The following SUPT6H variants were observed in gnomAD, a reference collection of about 807,000 sequenced individuals.
SUPT6H encodes the protein SPT6 homolog, histone chaperone and transcription elongation factor, also known as transcription elongation factor SPT6.
SUPT6H carries 11 observed loss-of-function variants against 222.3 expected under a neutral mutation model. The ratio of observed to expected loss-of-function variants is 0.05; its 90% confidence interval spans 0.03 to 0.08. The LOEUF (loss-of-function observed/expected upper bound fraction) is 0.08, where lower values mean the gene tolerates loss of function less well. SUPT6H is among the 10% of genes least tolerant of loss of function. SUPT6H has a pLI of 1.00. For synonymous variants in SUPT6H, 762 were observed against 801.2 expected (o/e 0.95, Z 0.83); for missense variants, 1,422 against 2,216.0 (o/e 0.64, Z 7.19).
At chr17:28,692,196 C>T (rs1479557666) in intron 27 of SUPT6H, among the ~76,000 whole-genome samples, 5 of 151,378 alleles carry the variant, frequency 3.3e-5, no homozygotes, top group East Asian at 2.0e-4. Flanking sequence ...TGGTGGTGGG[C>T]GCCTGTAGTC....
rs1241826176 is a variant in SUPT6H at position 28,674,886 on chromosome 17, G to A, written c.346-84G>A. 5.4e-6 allele frequency: 8 copies of A among 1,467,908 alleles called. No individual in the cohort carries two copies. In the Admixed American group the frequency reaches 1.6e-4, roughly 29 times the overall value. 90.9% of individuals were successfully genotyped at this position (1,467,908 alleles called of 1,614,324 possible). On this transcript the variant is annotated intron_variant, in intron 4 of 36. Coordinates refer to ENST00000314616, the MANE Select transcript of SUPT6H (RefSeq NM_003170.5). ...CTCTCTTGGTCAGAGTAATTGTGGT[G>A]GGAAGAAGGGAGTGAGACTGGAGAT...
chr17:28,700,748 T>C lies in SUPT6H; in HGVS notation c.4807-193T>C, dbSNP rs947345688. The C allele has an allele frequency of 1.8e-5, 17 of 929,154 alleles. No homozygotes were observed. The African/African-American group carries it at 2.0e-4, about 11-fold the overall frequency. The allele number at this position is 929,154 out of a possible 1,614,324, so 57.6% of individuals were successfully genotyped here. On this transcript the variant is annotated intron_variant, in intron 35 of 36. Transcript: ENST00000314616. ...CCCGCAAGCCACCAGAAAGTTGACATGGTCAGGACCAGTGGGCACCACTGT... is the reference window on the plus strand; with the variant it reads ...CCCGCAAGCCACCAGAAAGTTGACACGGTCAGGACCAGTGGGCACCACTGT...
intron 1 of SUPT6H, among the ~76,000 whole-genome samples, chr17:28,667,232 G>A (rs1039720142): frequency 2.7e-5 from 4 of 148,560 alleles, no homozygotes; most frequent in African/African-American, 7.4e-5. Context: ...ATAGCTGGGC[G>A]TGGTGGTGGG....
In SUPT6H at chr17:28,683,675, T is replaced by C. The variant is rs779628560; in HGVS notation, c.2088T>C (p.Asp696=). The change falls in exon 17 of 37, where the codon GAT becomes GAC. Residue 696 remains aspartate, a synonymous_variant. Coordinates refer to ENST00000314616, the MANE Select transcript of SUPT6H (RefSeq NM_003170.5). Reference sequence around the variant, plus strand: ...AGATAAAACAGTTTTACTACCGAGATGAGTTCAGCCACCAGGTGCAGGAGT... The same window carrying C: ...AGATAAAACAGTTTTACTACCGAGACGAGTTCAGCCACCAGGTGCAGGAGT... ...FEEIKQFYYR[D]EFSHQVQEWN... 1 of 1,614,000 alleles carries C rather than the reference T, an allele frequency of 6.2e-7. No individual in the cohort carries two copies. The highest frequency in any genetic ancestry group is 8.5e-7 in the Non-Finnish European group (1 of 1,179,988).
At chr17:28,672,391 T>C (rs1424505641) in intron 1 of SUPT6H, among the ~76,000 whole-genome samples, 5 of 152,112 alleles carry the variant, frequency 3.3e-5, no homozygotes. Context: ...TATAATTGCC[T>C]TCTTTTTCTT....
At chr17:28,682,636 T>C (rs571819478) in intron 13 of SUPT6H, 91 bp from the exon 14 acceptor site, 7 of 1,529,128 alleles carry the variant, frequency 4.6e-6, no homozygotes, top group South Asian at 3.7e-5. Context: ...TAAAAAAGGC[T>C]AGTTCCCAGA....
rs762054221 is a variant in SUPT6H, at chr17:28,678,975, G to A, written c.1349+12G>A. On this transcript the variant is annotated intron_variant, in intron 11 of 36. Coordinates refer to ENST00000314616, the MANE Select transcript of SUPT6H (RefSeq NM_003170.5). ...ACTGACATGGAGAGGTAAAACATGC[G>A]GTGTTTATTCCATTATGGGAAGCCC... The A allele has an allele frequency of 5.6e-6, 9 of 1,613,934 alleles. No individual in the cohort carries two copies. Among genetic ancestry groups the A allele is most frequent in the East Asian group, 2.2e-5 (1 of 44,904 alleles).
intron 5 of SUPT6H, 24 bp downstream of exon 5, chr17:28,675,186 C>T (rs1171843396): frequency 2.5e-6 from 4 of 1,588,870 alleles, no homozygotes; most frequent in Non-Finnish European, 3.4e-6. Flanking sequence ...GGCAGGGAAG[C>T]CAGTGTTTGG....
At chr17:28,681,854 C>T (rs2031122698) in intron 12 of SUPT6H, 28 bp from the exon 13 acceptor site, 1 of 1,581,762 alleles carries the variant, frequency 6.3e-7, no homozygotes, top group East Asian at 2.3e-5. Flanking sequence ...AAACTAGAAC[C>T]CTAAATCTCC....
chr17:28,699,541 T>A (rs1016671991), intron 32 of SUPT6H, among the ~76,000 whole-genome samples: 1 of 152,144 alleles, frequency 6.6e-6, no homozygotes, highest in African/African-American at 2.4e-5. Context: ...TAGCACAGCC[T>A]CCAGCAAGCC....
chr17:28,690,401 A>G (rs2031585973), intron 26 of SUPT6H, among the ~76,000 whole-genome samples, 172 bp downstream of exon 26: 1 of 152,220 alleles, frequency 6.6e-6, no homozygotes, highest in Non-Finnish European at 1.5e-5. Context: ...AACTGAATTT[A>G]AGGTCAAATG....
chr17:28,684,257 G>A (rs1382062443), intron 17 of SUPT6H, among the ~76,000 whole-genome samples: 1 of 152,086 alleles, frequency 6.6e-6, no homozygotes, highest in Non-Finnish European at 1.5e-5. Context: ...GAGAAACACG[G>A]GGGGCAGGTG....
chr17:28,682,055 G>A, intron 13 of SUPT6H, 75 bp downstream of exon 13: 1 of 1,252,876 alleles, frequency 8.0e-7, no homozygotes, highest in East Asian at 2.5e-5. Flanking sequence ...AGACTGGTAG[G>A]TAGGAAAAAG....
intron 1 of SUPT6H, chr17:28,672,684 G>A (rs1191937036): frequency 6.6e-6 from 1 of 151,294 alleles, no homozygotes; most frequent in Non-Finnish European, 1.5e-5. Context: ...TAAGTGCTGG[G>A]GTTATAGGAG....
At position 28,701,463 on chromosome 17, in the gene SUPT6H, C is replaced by T. The variant is rs141402115; in HGVS notation, c.5019C>T (p.Asp1673=). 1.0e-3 allele frequency: 1,677 copies of T among 1,614,146 alleles called. 8 individuals are homozygous for T. Among genetic ancestry groups the T allele is most frequent in the Middle Eastern group, 9.1e-3 (55 of 6,060 alleles). The change falls in exon 37 of 37, where the codon GAC becomes GAT. Residue 1673 remains aspartate, a synonymous_variant. Transcript: ENST00000314616. ...QPKSNSHAAI[D]WGKMAEQWLQ... ...GGTCCAACAGCCATGCAGCCATCGA[C>T]TGGGGAAAAATGGCGGAGCAGTGGC...
chr17:28,689,862 C>T (rs1405773143), intron 25 of SUPT6H, among the ~76,000 whole-genome samples: 1 of 152,148 alleles, frequency 6.6e-6, no homozygotes, highest in Non-Finnish European at 1.5e-5. Flanking sequence ...CACAGCTTTG[C>T]ATTTATCTGT....
chr17:28,667,579 T>C (rs201346740), intron 1 of SUPT6H, among the ~76,000 whole-genome samples: 1 of 150,388 alleles, frequency 6.6e-6, no homozygotes, highest in East Asian at 1.9e-4. Flanking sequence ...ACATGGAATG[T>C]CTTGTAGCTT....
intron 29 of SUPT6H, 150 bp from the exon 30 acceptor site, chr17:28,696,694 A>G (rs2031935577): frequency 2.8e-6 from 2 of 719,182 alleles, no homozygotes; most frequent in South Asian, 1.7e-5. Context: ...TCGAGGCTAC[A>G]GTGAGTCATG....
At position 28,678,855 on chromosome 17, in the gene SUPT6H, C is replaced by A. The variant is rs867152652; in HGVS notation, c.1241C>A (p.Thr414Lys). Residue 414 changes from threonine to lysine, a missense_variant, in exon 11 of 37, where the codon ACA becomes AAA. Around this residue, in one of 13 missense-constraint regions of SUPT6H, gnomAD observed 389 missense variants for 544.6 expected, o/e 0.71. Transcript: ENST00000314616. Reference protein sequence around the residue: ...TQLRIRKENLTRLFEKMQAYQ... With the variant: ...TQLRIRKENLKRLFEKMQAYQ... ...CTGCGGATCCGTAAAGAGAACCTAA[C>A]ACGGCTGTTTGAGAAGATGCAGGCT... is the stretch of plus-strand genomic sequence containing the variant. 1.2e-6 allele frequency: 2 copies of A among 1,614,240 alleles called. No individual in the cohort carries two copies. The highest frequency in any genetic ancestry group is 1.7e-6 in the Non-Finnish European group (2 of 1,180,048).
Sources: allele counts gnomAD v4.1 joint callset (sites outside exome capture counted in the v4.1 genomes callset), GRCh38; gene constraint gnomAD v4.1.1; regional missense constraint gnomAD v4.1.1; transcripts MANE v1.5; gene names NCBI Gene and HGNC (gene_info 2026-07-23, HGNC 2026-07-21).